Variants in BCL2L1 observed in about 807,000 individuals in gnomAD.
BCL2L1 encodes BCL2 like 1.
In BCL2L1, 1 loss-of-function variant was observed where a neutral mutation model predicts 18.7. The observed-to-expected ratio is 0.05, with a 90% CI of 0.02 to 0.25. BCL2L1 has a LOEUF of 0.25. BCL2L1 is among the 10% of genes least tolerant of loss of function. BCL2L1 has a pLI of 1.00. For synonymous variants in BCL2L1, 103 were observed against 122.7 expected, an observed-to-expected ratio of 0.84 and a Z score of 1.06; for missense variants, 207 against 304.9, an observed-to-expected ratio of 0.68 and a Z score of 2.39.
chr20:31,714,623 G>A (rs2061500448), intron 2 of BCL2L1, among the ~76,000 whole-genome samples: 1 of 152,098 alleles, frequency 6.6e-6, no homozygotes, highest in African/African-American at 2.4e-5. Context: ...GATTCAGAGA[G>A]GTAAAAGGAG....
chr20:31,722,405 C>T, intron 1 of BCL2L1, 57 bp from the exon 2 acceptor site: 1 of 449,506 alleles, frequency 2.2e-6, no homozygotes, highest in Non-Finnish European at 3.8e-6. Context: ...ATTCCATTCC[C>T]CCTCCAGGTA....
intron 2 of BCL2L1, among the ~76,000 whole-genome samples, chr20:31,687,461 G>C (rs1262303030): frequency 6.6e-6 from 1 of 151,826 alleles, no homozygotes; most frequent in Non-Finnish European, 1.5e-5. Context: ...GGATAACGAG[G>C]TCAGGAGATC....
rs1368740856 is a variant in BCL2L1, at chr20:31,722,818, G to A, written c.-331C>T. On this transcript the variant is annotated 5_prime_UTR_variant, in exon 1 of 3. Coordinates refer to ENST00000307677, the MANE Select transcript of BCL2L1 (RefSeq NM_138578.3). The stretch of plus-strand genomic sequence containing the variant: ...CAGAAGGCGACACAGGAATTGCGAA[G>A]CTCAGGAACCAGCCCCCTCGCTTGC... 6.6e-6 allele frequency: 1 copy of A among 152,254 alleles called. No homozygotes were observed. The highest frequency in any genetic ancestry group is 6.5e-5 in the Admixed American group (1 of 15,292). The allele number at this position is 152,254 out of a possible 1,614,324, so 9.4% of individuals were successfully genotyped here. A position where few individuals can be genotyped will look rare whatever the true frequency, so the allele number is the denominator to read the frequency against.
At chr20:31,680,012 C>T (rs1031738563) in intron 2 of BCL2L1, among the ~76,000 whole-genome samples, 3 of 152,124 alleles carry the variant, frequency 2.0e-5, no homozygotes, top group African/African-American at 7.2e-5. Flanking sequence ...TCAGTGGCTC[C>T]ATTTGTGCTT....
intron 2 of BCL2L1, among the ~76,000 whole-genome samples, chr20:31,673,312 G>A (rs1328317902): frequency 6.6e-6 from 1 of 151,864 alleles, no homozygotes; most frequent in Non-Finnish European, 1.5e-5. Flanking sequence ...GACCTCAGGT[G>A]ATCCACCTTC....
intron 2 of BCL2L1, among the ~76,000 whole-genome samples, chr20:31,690,994 T>TA (rs1000281201): frequency 1.3e-4 from 18 of 140,166 alleles, no homozygotes; most frequent in South Asian, 4.6e-4. Flanking sequence ...ACTAAAAATA[T>TA]AAAAAAAATT....
At chr20:31,707,098 G>A (rs1028153948) in intron 2 of BCL2L1, among the ~76,000 whole-genome samples, 10 of 152,154 alleles carry the variant, frequency 6.6e-5, no homozygotes, top group African/African-American at 2.4e-4. Context: ...AAACAAGGAG[G>A]ACCCTGGGAA....
intron 2 of BCL2L1, among the ~76,000 whole-genome samples, chr20:31,703,800 GT>G (rs1200728150): frequency 2.7e-3 from 309 of 116,268 alleles, no homozygotes; most frequent in African/African-American, 5.9e-3. Context: ...CCCTGAACTT[GT>G]TTTTTTTTTT....
intron 2 of BCL2L1, among the ~76,000 whole-genome samples, chr20:31,684,522 C>T (rs915440240): frequency 6.6e-6 from 1 of 152,140 alleles, no homozygotes; most frequent in East Asian, 1.9e-4. Flanking sequence ...AGGATGGGAC[C>T]TCCCCAGTCT....
At position 31,713,375 on chromosome 20, in the gene BCL2L1, A is replaced by G. The variant is rs767402763; in HGVS notation, c.564+8280T>C. On this transcript the variant is annotated intron_variant, in intron 2 of 2. Transcript: ENST00000307677. ...AATGGACAAGAGGAAAGGCAGGGAC[A>G]CGTCCAAAAAAAGTAGTTTTTGGGG... The G allele has an allele frequency of 1.1e-3, 1,127 of 985,406 alleles. 1 individual carries two copies. The highest frequency in any genetic ancestry group is 1.3e-3 in the Non-Finnish European group (1,099 of 829,924). 61.0% of individuals were successfully genotyped at this position (985,406 alleles called of 1,614,324 possible). A position where few individuals can be genotyped will look rare whatever the true frequency, so the allele number is the denominator to read the frequency against.
intron 2 of BCL2L1, among the ~76,000 whole-genome samples, chr20:31,706,433 G>C (rs2061369409): frequency 6.6e-6 from 1 of 152,194 alleles, no homozygotes; most frequent in Non-Finnish European, 1.5e-5. Flanking sequence ...CAATGTGTAA[G>C]TGCACTTTAC....
At chr20:31,680,768 G>C (rs2060845502) in intron 2 of BCL2L1, among the ~76,000 whole-genome samples, 1 of 152,180 alleles carries the variant, frequency 6.6e-6, no homozygotes, top group Non-Finnish European at 1.5e-5. Flanking sequence ...ATTCGTACCT[G>C]TATGAGTTTA....
chr20:31,718,930 C>A (rs1377128002), intron 2 of BCL2L1, among the ~76,000 whole-genome samples: 2 of 152,208 alleles, frequency 1.3e-5, no homozygotes, highest in Non-Finnish European at 2.9e-5. Context: ...CTTTATTACT[C>A]CCTGGACAAC....
chr20:31,715,273 A>G (rs75788527), intron 2 of BCL2L1, among the ~76,000 whole-genome samples: 5 of 145,594 alleles, frequency 3.4e-5, no homozygotes, highest in African/African-American at 9.9e-5. Flanking sequence ...CTCTGTCTCA[A>G]AAAAAAAAAA....
intron 2 of BCL2L1, among the ~76,000 whole-genome samples, chr20:31,704,096 C>A (rs2061331286): frequency 6.9e-6 from 1 of 145,562 alleles, no homozygotes; most frequent in South Asian, 2.1e-4. Context: ...CTGCACCCGG[C>A]CCTAAACCTT....
At chr20:31,708,161 T>G (rs1485265952) in intron 2 of BCL2L1, among the ~76,000 whole-genome samples, 1 of 152,200 alleles carries the variant, frequency 6.6e-6, no homozygotes, top group Non-Finnish European at 1.5e-5. Context: ...TCTGGCCCTC[T>G]TTGTTGACCC....
At chr20:31,697,892 G>GTTTTTTTTTTTTTGTTTTTTTTTTTT (rs1319361227) in intron 2 of BCL2L1, among the ~76,000 whole-genome samples, 1 of 129,640 alleles carries the variant, frequency 7.7e-6, no homozygotes. Flanking sequence ...TGCTGTTGCT[G>GTTTTTTTTTTTTTGTTTTTTTTTTTT]TTTTTTTTTT....
chr20:31,700,598 C>T (rs1337984757), intron 2 of BCL2L1, among the ~76,000 whole-genome samples: 1 of 152,206 alleles, frequency 6.6e-6, no homozygotes, highest in East Asian at 1.9e-4. Flanking sequence ...TCTCAGCCTG[C>T]AAATCTTAAC....
At chr20:31,702,504 G>C (rs905971840) in intron 2 of BCL2L1, among the ~76,000 whole-genome samples, 1 of 151,958 alleles carries the variant, frequency 6.6e-6, no homozygotes, top group Non-Finnish European at 1.5e-5. Context: ...GATGGCAGGT[G>C]CCTTTATTTT....
Sources: allele counts gnomAD v4.1 joint callset (sites outside exome capture counted in the v4.1 genomes callset), GRCh38; gene constraint gnomAD v4.1.1; transcripts MANE v1.5; gene names NCBI Gene and HGNC (gene_info 2026-07-23, HGNC 2026-07-21).